The following CCDC73 variants were observed in gnomAD, a reference collection of about 807,000 sequenced individuals.
CCDC73 encodes coiled-coil domain containing 73.
Under a neutral mutation model 116.5 loss-of-function variants are expected in CCDC73, and 95 were observed. The observed-to-expected ratio is 0.82, with a 90% CI of 0.69 to 0.97. The LOEUF is 0.97. CCDC73 is among the 50% of genes least tolerant of loss of function. CCDC73 has a pLI of 0.00. For missense variants in CCDC73, 1,066 were observed against 1,206.8 expected (o/e 0.88, Z 1.73); for synonymous variants, 398 against 401.3 (o/e 0.99, Z 0.10).
chr11:32,691,837 A>C (rs1835710483), intron 6 of CCDC73, among the ~76,000 whole-genome samples: 1 of 152,000 alleles, frequency 6.6e-6, no homozygotes, highest in Non-Finnish European at 1.5e-5. Context: ...TCACGAGGTT[A>C]GGAGATGGAG....
intron 5 of CCDC73, among the ~76,000 whole-genome samples, chr11:32,700,505 G>A (rs1849802316): frequency 6.6e-6 from 1 of 152,106 alleles, no homozygotes; most frequent in Non-Finnish European, 1.5e-5. Flanking sequence ...AAGAGATCTG[G>A]GTTCTAGTCC....
chr11:32,699,350 A>C (rs948437231), intron 5 of CCDC73, 25 bp from the exon 6 acceptor site: 1 of 1,520,754 alleles, frequency 6.6e-7, no homozygotes, highest in African/African-American at 1.4e-5. Flanking sequence ...CTGTATTTCA[A>C]TACTTTCCAA....
intron 1 of CCDC73, among the ~76,000 whole-genome samples, chr11:32,772,764 A>G (rs1850501865): frequency 6.6e-6 from 1 of 152,204 alleles, no homozygotes; most frequent in Non-Finnish European, 1.5e-5. Context: ...TTGAAGTTTG[A>G]AAATAGAATG....
At chr11:32,630,867 A>G (rs1179900345) in intron 14 of CCDC73, among the ~76,000 whole-genome samples, 1 of 152,220 alleles carries the variant, frequency 6.6e-6, no homozygotes, top group Non-Finnish European at 1.5e-5. Context: ...CCCATAAAAA[A>G]GTAACAAGAT....
At chr11:32,622,930 G>A (rs1450285599) in intron 14 of CCDC73, among the ~76,000 whole-genome samples, 1 of 152,038 alleles carries the variant, frequency 6.6e-6, no homozygotes, top group Non-Finnish European at 1.5e-5. Flanking sequence ...AGTATCAAAT[G>A]CTTCAAAGGG....
intron 1 of CCDC73, among the ~76,000 whole-genome samples, chr11:32,761,890 G>T (rs558408912): frequency 7.9e-5 from 12 of 152,248 alleles, no homozygotes; most frequent in African/African-American, 2.9e-4. Flanking sequence ...GGATGTTGTA[G>T]CTCAAGTCCA....
the CCDC73 span, among the ~76,000 whole-genome samples, chr11:32,802,212 G>A: frequency 3.6e-4 from 55 of 151,962 alleles, no homozygotes; most frequent in Non-Finnish European, 6.6e-4. Context: ...TAGTTCTCTC[G>A]TTCTCTTTTT....
chr11:32,737,802 T>G (rs1850148762), intron 2 of CCDC73, among the ~76,000 whole-genome samples: 2 of 152,038 alleles, frequency 1.3e-5, no homozygotes. Flanking sequence ...TATTTTTTTT[T>G]GTACCCATGA....
the CCDC73 span, among the ~76,000 whole-genome samples, chr11:32,799,919 C>T: frequency 3.3e-5 from 5 of 152,210 alleles, no homozygotes; most frequent in Non-Finnish European, 7.3e-5. Flanking sequence ...TCTTTCCATG[C>T]TTGTGGGCAG....
chr11:32,614,824 A>T lies in CCDC73; in HGVS notation c.1494T>A (p.Ser498Arg). 6.2e-7 allele frequency: 1 copy of T among 1,613,238 alleles called. No homozygotes were observed. Among genetic ancestry groups the T allele is most frequent in the Admixed American group, 1.7e-5 (1 of 59,976 alleles). ...CCGTAACATTCGAGGTTTGTCCTTG[A>T]CTAATTACTTCTTTATCTAAGGAGA... is the stretch of plus-strand genomic sequence containing the variant. Reference protein sequence around the residue: ...KTLSLDKEVISQGQTSNVTDN... With the variant: ...KTLSLDKEVIRQGQTSNVTDN... The change falls in exon 16 of 18, where the codon AGT (serine) becomes AGA (arginine). Residue 498 changes from serine to arginine, a missense_variant. By Grantham distance (110) the Ser-to-Arg change is moderately radical. Coordinates refer to ENST00000335185, the MANE Select transcript of CCDC73 (RefSeq NM_001008391.4).
At chr11:32,675,152 T>C (rs1856075035) in intron 9 of CCDC73, among the ~76,000 whole-genome samples, 1 of 152,194 alleles carries the variant, frequency 6.6e-6, no homozygotes, top group South Asian at 2.1e-4. Flanking sequence ...AATTATTTGT[T>C]TTACATCTAA....
intron 6 of CCDC73, among the ~76,000 whole-genome samples, chr11:32,694,062 C>G (rs1170010552): frequency 6.6e-6 from 1 of 152,156 alleles, no homozygotes; most frequent in Non-Finnish European, 1.5e-5. Flanking sequence ...AAGTTCTGGC[C>G]AGGGCAATCA....
At chr11:32,823,518 A>G in the CCDC73 span, among the ~76,000 whole-genome samples, 163 of 152,216 alleles carry the variant, frequency 1.1e-3, no homozygotes, top group African/African-American at 3.7e-3. Context: ...TAAAGAGAAA[A>G]TAAAAAAAAT....
At chr11:32,649,028 G>A (rs1347374936) in intron 12 of CCDC73, among the ~76,000 whole-genome samples, 4 of 152,156 alleles carry the variant, frequency 2.6e-5, no homozygotes, top group Admixed American at 6.5e-5. Flanking sequence ...GCCCCTTCAT[G>A]AGCTCTAAGT....
At chr11:32,620,680 AG>A (rs1256797961) in intron 14 of CCDC73, among the ~76,000 whole-genome samples, 2 of 151,678 alleles carry the variant, frequency 1.3e-5, no homozygotes, top group East Asian at 3.9e-4. Flanking sequence ...ATTAAAACCA[AG>A]TCATTAATCC....
At position 32,614,813 on chromosome 11, in the gene CCDC73, G is replaced by A. The variant is rs1243016490; in HGVS notation, c.1505C>T (p.Thr502Ile). 6.2e-7 allele frequency: 1 copy of A among 1,613,244 alleles called. No individual in the cohort carries two copies. Among genetic ancestry groups the A allele is most frequent in the Non-Finnish European group, 8.5e-7 (1 of 1,179,616 alleles). ...LDKEVISQGQ[T>I]SNVTDNRKSV... ...TTTTCTGTTGTCCGTAACATTCGAGGTTTGTCCTTGACTAATTACTTCTTT... is the reference window on the plus strand; with the variant it reads ...TTTTCTGTTGTCCGTAACATTCGAGATTTGTCCTTGACTAATTACTTCTTT... The change falls in exon 16 of 18, where the codon ACC (threonine) becomes ATC (isoleucine). Residue 502 changes from threonine (T) to isoleucine (I), a missense_variant. Coordinates refer to ENST00000335185, the MANE Select transcript of CCDC73 (RefSeq NM_001008391.4).
At chr11:32,760,691 T>G (rs900085183) in intron 1 of CCDC73, among the ~76,000 whole-genome samples, 1 of 152,150 alleles carries the variant, frequency 6.6e-6, no homozygotes, top group South Asian at 2.1e-4. Context: ...GCTGGAAAAA[T>G]TGCCTTTTAT....
intron 3 of CCDC73, among the ~76,000 whole-genome samples, chr11:32,715,556 C>T (rs1393294276): frequency 6.6e-6 from 1 of 151,884 alleles, no homozygotes; most frequent in East Asian, 1.9e-4. Flanking sequence ...CATGACTCTT[C>T]ATCAAGCAGC....
chr11:32,783,563 G>A (rs1201758486), intron 1 of CCDC73, among the ~76,000 whole-genome samples: 1 of 152,176 alleles, frequency 6.6e-6, no homozygotes, highest in Non-Finnish European at 1.5e-5. Context: ...TTCAGTGTCT[G>A]GTGAGGTCCT....
Sources: gnomAD v4.1 joint callset for allele counts (sites outside exome capture counted in the v4.1 genomes callset) on GRCh38, gnomAD v4.1.1 for gene constraint, MANE v1.5 for transcripts, NCBI Gene and HGNC (gene_info 2026-07-23, HGNC 2026-07-21) for gene names.